PPP1R13B: variants seen among roughly 807,000 people sequenced by gnomAD.
PPP1R13B encodes protein phosphatase 1 regulatory subunit 13B.
A neutral mutation model predicts 119.8 loss-of-function variants in PPP1R13B; 44 were observed. That is an observed-to-expected ratio of 0.37 (90% CI 0.29 to 0.47). The LOEUF (loss-of-function observed/expected upper bound fraction) is 0.47. Among genes scored for constraint, PPP1R13B ranks in the 20% least tolerant of loss-of-function variants. The probability of loss-of-function intolerance (pLI) is 0.99; values close to 1 mark genes in which losing one functional copy is unlikely to be tolerated. For synonymous variants in PPP1R13B, 542 were observed against 561.5 expected (o/e 0.97, Z 0.49); for missense variants, 1,227 against 1,413.5 (o/e 0.87, Z 2.12).
At chr14:103,735,304 A>C in intron 16 of PPP1R13B, 109 bp from the exon 17 acceptor site, 1 of 1,034,080 alleles carries the variant, frequency 9.7e-7, no homozygotes, top group Non-Finnish European at 1.5e-6. Context: ...GCCGTGCAGC[A>C]CCCTTGTCCC....
At chr14:103,760,612 G>T (rs1036553487) in intron 4 of PPP1R13B, among the ~76,000 whole-genome samples, 2 of 152,174 alleles carry the variant, frequency 1.3e-5, no homozygotes, top group African/African-American at 4.8e-5. Flanking sequence ...CCCTTCGGCA[G>T]GGACTACCAC....
intron 16 of PPP1R13B, 62 bp downstream of exon 16, chr14:103,735,941 G>T (rs2084097729): frequency 1.9e-6 from 3 of 1,558,970 alleles, no homozygotes; most frequent in African/African-American, 1.4e-5. Flanking sequence ...CAGCAGGATA[G>T]GACCGCATGC....
chr14:103,752,317 A>C (rs1457680830), intron 7 of PPP1R13B, among the ~76,000 whole-genome samples: 1 of 152,150 alleles, frequency 6.6e-6, no homozygotes, highest in African/African-American at 2.4e-5. Context: ...AGAATAGGCA[A>C]ATCTACAGAG....
intron 1 of PPP1R13B, among the ~76,000 whole-genome samples, chr14:103,834,823 C>T (rs963860133): frequency 4.6e-5 from 7 of 151,968 alleles, no homozygotes; most frequent in Non-Finnish European, 1.0e-4. Flanking sequence ...GAACTCCTGA[C>T]CTCAGGTAAG....
chr14:103,782,641 C>G (rs1398887512), intron 3 of PPP1R13B, among the ~76,000 whole-genome samples: 1 of 152,148 alleles, frequency 6.6e-6, no homozygotes, highest in East Asian at 1.9e-4. Context: ...GTGCTATTAA[C>G]TGTTTTAATC....
At chr14:103,744,208 A>G (rs771959171) in intron 9 of PPP1R13B, among the ~76,000 whole-genome samples, 6 of 152,324 alleles carry the variant, frequency 3.9e-5, no homozygotes, top group Admixed American at 2.0e-4. Flanking sequence ...CTAAAAAGCA[A>G]TTTTCTCCTT....
chr14:103,809,129 T>TA (rs1401898698), intron 1 of PPP1R13B, among the ~76,000 whole-genome samples: 1 of 152,178 alleles, frequency 6.6e-6, no homozygotes, highest in Non-Finnish European at 1.5e-5. Flanking sequence ...GTGCTGGGAT[T>TA]ACAGGCATGA....
chr14:103,789,729 G>C (rs968817461), intron 2 of PPP1R13B, among the ~76,000 whole-genome samples: 8 of 151,940 alleles, frequency 5.3e-5, no homozygotes, highest in Non-Finnish European at 1.0e-4. Flanking sequence ...GGCCAGGCTG[G>C]TCTCAAACCA....
intron 1 of PPP1R13B, among the ~76,000 whole-genome samples, chr14:103,835,009 A>G (rs1220962523): frequency 1.3e-5 from 2 of 152,232 alleles, no homozygotes; most frequent in Non-Finnish European, 2.9e-5. Flanking sequence ...TCTGCTTCAG[A>G]GTAATAGGGT....
At chr14:103,752,311 T>A (rs1416341664) in intron 7 of PPP1R13B, among the ~76,000 whole-genome samples, 1 of 152,092 alleles carries the variant, frequency 6.6e-6, no homozygotes, top group Non-Finnish European at 1.5e-5. Flanking sequence ...ACGTCCAGAA[T>A]AGGCAAATCT....
chr14:103,739,674 G>C, intron 12 of PPP1R13B, 150 bp downstream of exon 12: 1 of 959,986 alleles, frequency 1.0e-6, no homozygotes, highest in Non-Finnish European at 1.5e-6. Context: ...ATTTGTCTGT[G>C]TGACTGTCCG....
intron 9 of PPP1R13B, among the ~76,000 whole-genome samples, chr14:103,744,533 T>C (rs1269127468): frequency 1.3e-5 from 2 of 152,170 alleles, no homozygotes; most frequent in African/African-American, 2.4e-5. Flanking sequence ...CCTTTGTCAG[T>C]TTGGAAAAAC....
At chr14:103,750,242 T>G (rs1409745303) in intron 7 of PPP1R13B, among the ~76,000 whole-genome samples, 1 of 152,156 alleles carries the variant, frequency 6.6e-6, no homozygotes, top group Non-Finnish European at 1.5e-5. Flanking sequence ...GATGCTCTGC[T>G]CCACCCCATG....
intron 5 of PPP1R13B, among the ~76,000 whole-genome samples, 196 bp from the exon 6 acceptor site, chr14:103,754,440 T>C (rs547479892): frequency 5.3e-5 from 8 of 151,486 alleles, no homozygotes; most frequent in Non-Finnish European, 1.2e-4. Flanking sequence ...TGTGCGCCTG[T>C]AGTCCCAGCT....
At chr14:103,773,769 G>C (rs1187429151) in intron 4 of PPP1R13B, among the ~76,000 whole-genome samples, 1 of 152,160 alleles carries the variant, frequency 6.6e-6, no homozygotes, top group Non-Finnish European at 1.5e-5. Flanking sequence ...CAGACTGAGT[G>C]AACAATATTT....
Position 103,735,053 on chromosome 14 carries a change from T to TAAG in PPP1R13B, c.*98_*100dup. ...CGCTGTCTGCTAAAGTGAGCACCAT[T>TAAG]AAGACCATTTTCTAGCTGCAGCTTT... On this transcript the variant is annotated 3_prime_UTR_variant, in exon 17 of 17. Transcript: ENST00000202556. 7.4e-7 allele frequency: 1 copy of TAAG among 1,348,776 alleles called. No individual in the cohort carries two copies. Among genetic ancestry groups the TAAG allele is most frequent in the Non-Finnish European group, 1.1e-6 (1 of 943,316 alleles). 83.6% of individuals were successfully genotyped at this position (1,348,776 alleles called of 1,614,324 possible).
intron 1 of PPP1R13B, among the ~76,000 whole-genome samples, chr14:103,833,409 C>T (rs888004227): frequency 4.6e-5 from 7 of 152,040 alleles, no homozygotes; most frequent in African/African-American, 1.2e-4. Flanking sequence ...TTTGGGAGGC[C>T]GAGGCGAGTG....
chr14:103,738,293 C>G lies in PPP1R13B; in HGVS notation c.2864+386G>C. On this transcript the variant is annotated intron_variant, in intron 14 of 16. Transcript: ENST00000202556. The surrounding 1 kb of genome is among the most constrained non-coding windows in gnomAD (Gnocchi z 5.6). ...CAGCAGCAGAGCTCCCGAAGGCAAA[C>G]GGAATGAACAATGCGACAACCTACA... is the stretch of plus-strand genomic sequence containing the variant. The G allele has an allele frequency of 7.2e-6, 2 of 279,368 alleles. No individual in the cohort carries two copies. Among genetic ancestry groups the G allele is most frequent in the South Asian group, 1.1e-4 (2 of 18,018 alleles). 17.3% of individuals were successfully genotyped at this position (279,368 alleles called of 1,614,324 possible).
chr14:103,777,297 C>T (rs57053000), intron 4 of PPP1R13B, among the ~76,000 whole-genome samples: 1,956 of 152,192 alleles, frequency 0.013, 110 homozygotes, highest in Admixed American at 0.11. Context: ...CCAGCCAACA[C>T]CAACATTTCT....
Sources: allele counts gnomAD v4.1 joint callset (sites outside exome capture counted in the v4.1 genomes callset), GRCh38; gene constraint gnomAD v4.1.1; non-coding constraint Gnocchi (gnomAD v3.1); transcripts MANE v1.5; gene names NCBI Gene and HGNC (gene_info 2026-07-23, HGNC 2026-07-21).